The following GPSM1 variants were observed in gnomAD, a reference collection of about 807,000 sequenced individuals.
The protein encoded by GPSM1 is G protein signaling modulator 1.
A neutral mutation model predicts 70.5 loss-of-function variants in GPSM1; 48 were observed. The ratio of observed to expected loss-of-function variants is 0.68; its 90% confidence interval spans 0.54 to 0.87. The LOEUF is 0.87. Among genes scored for constraint, GPSM1 ranks in the 40% least tolerant of loss-of-function variants. GPSM1 has a pLI of 0.00. For missense variants in GPSM1, 981 were observed against 972.6 expected (o/e 1.01, Z -0.11); for synonymous variants, 416 against 430.1 (o/e 0.97, Z 0.41).
chr9:136,353,488 A>G (rs1361124436), intron 11 of GPSM1, among the ~76,000 whole-genome samples: 1 of 152,172 alleles, frequency 6.6e-6, no homozygotes, highest in Non-Finnish European at 1.5e-5. Flanking sequence ...AGGAGCCCCA[A>G]ACTATCCAGA....
Position 136,358,196 on chromosome 9 carries a change from G to C in GPSM1, c.2004G>C (p.Gln668His). Residue 668 changes from glutamine to histidine, a missense_variant, in exon 14 of 14, where the codon CAG becomes CAC. Coordinates refer to ENST00000440944, the MANE Select transcript of GPSM1 (RefSeq NM_001145638.3). The stretch of plus-strand genomic sequence containing the variant: ...CAGGCGGCCCGCCCGAGCCCCAGCA[G>C]CAGTGCCAGCCTGGTGCGAGCTAAG... ...QGAGGPPEPQ[Q>H]QCQPGAS 6.4e-7 allele frequency: 1 copy of C among 1,559,490 alleles called. No individual in the cohort carries two copies. Among genetic ancestry groups the C allele is most frequent in the Non-Finnish European group, 8.7e-7 (1 of 1,155,686 alleles).
At chr9:136,334,109 G>A (rs558946022) in intron 1 of GPSM1, among the ~76,000 whole-genome samples, 2 of 152,320 alleles carry the variant, frequency 1.3e-5, no homozygotes, top group African/African-American at 4.8e-5. Context: ...TTGGGTGAAG[G>A]CAGGGTATGG....
At chr9:136,354,163 G>C (rs782523030) in intron 11 of GPSM1, among the ~76,000 whole-genome samples, 14 of 152,190 alleles carry the variant, frequency 9.2e-5, no homozygotes, top group Non-Finnish European at 1.3e-4. Context: ...AGCCAGGTGG[G>C]GTCTCTCCTA....
chr9:136,331,372 C>A (rs1038215741), intron 1 of GPSM1, among the ~76,000 whole-genome samples: 2 of 151,182 alleles, frequency 1.3e-5, no homozygotes, highest in Admixed American at 6.6e-5. Flanking sequence ...GAGCCCCCCC[C>A]CCCCGCTGCC....
At chr9:136,332,703 C>G (rs534959666) in intron 1 of GPSM1, among the ~76,000 whole-genome samples, 1 of 152,170 alleles carries the variant, frequency 6.6e-6, no homozygotes, top group South Asian at 2.1e-4. Flanking sequence ...ATGGCCATTC[C>G]CAGAGGGATG....
Position 136,336,228 on chromosome 9 carries a change from G to A in GPSM1, c.426+127G>A, listed in dbSNP as rs983414091. On this transcript the variant is annotated intron_variant, in intron 3 of 13. Coordinates refer to ENST00000440944, the MANE Select transcript of GPSM1 (RefSeq NM_001145638.3). ...TCATGGGAGGGATGACAGGGAGGTCGGTCCCCTAGATCCCGAGTGACTCAG... is the reference window on the plus strand; with the variant it reads ...TCATGGGAGGGATGACAGGGAGGTCAGTCCCCTAGATCCCGAGTGACTCAG... 17 of 1,136,816 alleles carry A rather than the reference G, an allele frequency of 1.5e-5. No homozygotes were observed. The East Asian group carries it at 1.5e-4, about 10-fold the overall frequency. 70.4% of individuals were successfully genotyped at this position (1,136,816 alleles called of 1,614,324 possible). A position where few individuals can be genotyped will look rare whatever the true frequency, so the allele number is the denominator to read the frequency against.
Position 136,356,016 on chromosome 9 carries a change from G to A in GPSM1, c.1612+170G>A, listed in dbSNP as rs1232144730. On this transcript the variant is annotated intron_variant, in intron 12 of 13. Transcript: ENST00000440944. ...GCAGCCCCCACAGAGCAGCATCCCG[G>A]GAAGCGTGTCATCAGCCCGCCCTCC... Among the ~76,000 whole-genome samples the A allele has an allele frequency of 3.9e-5, 6 of 152,146 alleles. No individual in the cohort carries two copies. The South Asian group carries it at 1.2e-3, about 32-fold the overall frequency.
In GPSM1 at chr9:136,340,949, C is replaced by T. The variant is rs868946794; in HGVS notation, c.1163C>T (p.Pro388Leu). Residue 388 changes from proline (P) to leucine (L), a missense_variant, in exon 9 of 14, where the codon CCG (proline) becomes CTG (leucine). Physicochemically the swap from Pro to Leu is moderately conservative, Grantham distance 98 (BLOSUM62 -3). Coordinates refer to ENST00000440944, the MANE Select transcript of GPSM1 (RefSeq NM_001145638.3). The surrounding 1 kb of genome is among the most constrained non-coding windows in gnomAD (Gnocchi z 7.3). ...CTGGTGCTCGGCCGCCTGACCAGCC[C>T]GGCAGCCTCAGAGAAGCCTGACCTG... The part of the protein sequence containing the change: ...LQLVLGRLTS[P>L]AASEKPDLAG... The T allele has an allele frequency of 2.6e-6, 4 of 1,563,804 alleles. No homozygotes were observed. Among genetic ancestry groups the T allele is most frequent in the African/African-American group, 1.4e-5 (1 of 73,710 alleles).
rs1369105201 is a variant in GPSM1 at position 136,356,399 on chromosome 9, G to A, written c.1670G>A (p.Ser557Asn). Residue 557 changes from serine to asparagine, a missense_variant, in exon 13 of 14, where the codon AGC becomes AAC. Ser to Asn is a conservative substitution (Grantham distance 46). Transcript: ENST00000440944. ...GAGGAATTCTTCGACCTCATCGCCA[G>A]CTCCCAGAGCCGCCGGCTGGACGAC... is the stretch of plus-strand genomic sequence containing the variant. ...QTEEFFDLIASSQSRRLDDQR... is the reference protein window; with the variant it reads ...QTEEFFDLIANSQSRRLDDQR... 1.9e-6 allele frequency: 3 copies of A among 1,608,800 alleles called. No homozygotes were observed. Among genetic ancestry groups the A allele is most frequent in the African/African-American group, 2.7e-5 (2 of 74,710 alleles).
chr9:136,344,157 G>T (rs1056891600), intron 9 of GPSM1, among the ~76,000 whole-genome samples: 1 of 141,780 alleles, frequency 7.1e-6, no homozygotes, highest in East Asian at 2.3e-4. Flanking sequence ...GGGAGGTGCG[G>T]ACAGGATCGG....
intron 2 of GPSM1, among the ~76,000 whole-genome samples, chr9:136,335,171 C>G (rs1832202527): frequency 6.6e-6 from 1 of 152,148 alleles, no homozygotes; most frequent in Admixed American, 6.5e-5. Context: ...CACCCTTTCC[C>G]TGGCCCCAGG....
At chr9:136,344,125 A>AGGGAGGTGCGGACAGGAACGG (rs1337342417) in intron 9 of GPSM1, among the ~76,000 whole-genome samples, 1 of 138,462 alleles carries the variant, frequency 7.2e-6, no homozygotes, top group Non-Finnish European at 1.5e-5. Context: ...AAAGCCCAAC[A>AGGGAGGTGCGGACAGGAACGG]GGGAGGTGCG....
At chr9:136,346,511 C>T (rs113470572) in intron 9 of GPSM1, among the ~76,000 whole-genome samples, 4 of 152,344 alleles carry the variant, frequency 2.6e-5, no homozygotes, top group African/African-American at 9.6e-5. Flanking sequence ...CCTTCTTAGC[C>T]GTCTGAAGCC....
At chr9:136,338,327 C>T (rs1277459311) in intron 6 of GPSM1, among the ~76,000 whole-genome samples, 2 of 152,204 alleles carry the variant, frequency 1.3e-5, no homozygotes, top group Non-Finnish European at 2.9e-5. Context: ...GTGGTGGCGG[C>T]TCAGGGTGGT....
intron 4 of GPSM1, 77 bp downstream of exon 4, chr9:136,337,149 C>T (rs1395550072): frequency 6.0e-5 from 79 of 1,327,256 alleles, no homozygotes; most frequent in Admixed American, 4.1e-4. Context: ...TCCAGACCCC[C>T]GACCCCAGCC....
intron 9 of GPSM1, among the ~76,000 whole-genome samples, chr9:136,347,633 G>A (rs1832554754): frequency 6.6e-6 from 1 of 152,210 alleles, no homozygotes; most frequent in African/African-American, 2.4e-5. Flanking sequence ...CCTCAGGGAA[G>A]CGCCCGCAGA....
At chr9:136,353,849 AC>A (rs1554772533) in intron 11 of GPSM1, among the ~76,000 whole-genome samples, 1 of 152,062 alleles carries the variant, frequency 6.6e-6, no homozygotes, top group East Asian at 1.9e-4. Context: ...CTGGGGAGGT[AC>A]CTGTGTGGCC....
rs1378478494 is a variant in GPSM1, at chr9:136,343,690, G to C, written c.1207+2697G>C. 6.6e-6 allele frequency among the ~76,000 whole-genome samples: 1 copy of C among 152,216 alleles called. No individual in the cohort carries two copies. The highest frequency in any genetic ancestry group is 1.5e-5 in the Non-Finnish European group (1 of 68,036). On this transcript the variant is annotated intron_variant, in intron 9 of 13. Coordinates refer to ENST00000440944, the MANE Select transcript of GPSM1 (RefSeq NM_001145638.3). This position sits in a 1 kb window ranked among gnomAD's most constrained non-coding sequence, Gnocchi z 6.0. Reference sequence around the variant, plus strand: ...CACTTGTGCCTCAGTGTCCCCATCTGGGGAACGGGCCCATCAGTAGTGCTG... The same window carrying C: ...CACTTGTGCCTCAGTGTCCCCATCTCGGGAACGGGCCCATCAGTAGTGCTG...
chr9:136,344,866 C>T (rs1027421041), intron 9 of GPSM1, among the ~76,000 whole-genome samples: 5 of 152,202 alleles, frequency 3.3e-5, no homozygotes, highest in Non-Finnish European at 7.3e-5. Flanking sequence ...CCCAATGGGG[C>T]GGGGCCCTCA....
Sources: allele counts gnomAD v4.1 joint callset (sites outside exome capture counted in the v4.1 genomes callset), GRCh38; gene constraint gnomAD v4.1.1; non-coding constraint Gnocchi (gnomAD v3.1); transcripts MANE v1.5; gene names NCBI Gene and HGNC (gene_info 2026-07-23, HGNC 2026-07-21).